BCAT1: variants seen among roughly 807,000 people sequenced by gnomAD.
BCAT1 encodes branched-chain-amino-acid aminotransferase, cytosolic.
Under a neutral mutation model 52.4 loss-of-function variants are expected in BCAT1, and 48 were observed. The observed-to-expected ratio is 0.92, with a 90% CI of 0.73 to 1.16. The LOEUF is 1.16. Among genes scored for constraint, BCAT1 ranks in the 50% most tolerant of loss-of-function variants. The pLI is 0.00. For missense variants in BCAT1, 451 were observed against 457.1 expected (o/e 0.99, Z 0.12); for synonymous variants, 167 against 161.3 (o/e 1.04, Z -0.27).
chr12:24,872,694 C>T (rs1942213198), intron 5 of BCAT1, among the ~76,000 whole-genome samples: 1 of 152,234 alleles, frequency 6.6e-6, no homozygotes, highest in Admixed American at 6.5e-5. Flanking sequence ...TGCAGGTAGC[C>T]TGCAAATCTG....
chr12:24,907,411 C>G (rs1943242062), intron 1 of BCAT1, among the ~76,000 whole-genome samples: 1 of 152,206 alleles, frequency 6.6e-6, no homozygotes, highest in Admixed American at 6.5e-5. Context: ...GGCCTCTGAG[C>G]CCAAGCTAAT....
chr12:24,881,424 G>A lies in BCAT1; in HGVS notation c.280-13C>T. On this transcript the variant is annotated splice_polypyrimidine_tract_variant and intron_variant, in intron 3 of 10. Coordinates refer to ENST00000261192, the MANE Select transcript of BCAT1 (RefSeq NM_005504.7). ...ATCCTTCAAATAACTGGAGATCAAA[G>A]AGAAAAAATCTTAGAGGGTAACCAA... 6.4e-7 allele frequency: 1 copy of A among 1,565,178 alleles called. No homozygotes were observed. The highest frequency in any genetic ancestry group is 8.8e-7 in the Non-Finnish European group (1 of 1,136,962).
chr12:24,877,536 A>G (rs549734304), intron 5 of BCAT1, among the ~76,000 whole-genome samples: 1 of 152,294 alleles, frequency 6.6e-6, no homozygotes, highest in African/African-American at 2.4e-5. Flanking sequence ...TGTTATTTAA[A>G]CCTACCATCC....
chr12:24,855,623 C>T (rs1941654494), intron 5 of BCAT1, among the ~76,000 whole-genome samples: 1 of 152,124 alleles, frequency 6.6e-6, no homozygotes, highest in Non-Finnish European at 1.5e-5. Context: ...TCAAGTGATC[C>T]ACCCTCCTCA....
At chr12:24,853,043 CTA>C (rs1941561462) in intron 5 of BCAT1, among the ~76,000 whole-genome samples, 1 of 152,094 alleles carries the variant, frequency 6.6e-6, no homozygotes, top group South Asian at 2.1e-4. Flanking sequence ...TTATTTTTTT[CTA>C]TGTTTCAATT....
chr12:24,925,249 A>C (rs1000385913), intron 1 of BCAT1, among the ~76,000 whole-genome samples: 1 of 152,164 alleles, frequency 6.6e-6, no homozygotes, highest in Non-Finnish European at 1.5e-5. Flanking sequence ...TGGCCTCAGG[A>C]CTGCAATTGC....
rs1819340524 is a variant in BCAT1, at chr12:24,810,324, A to AT, written c.*7683dup. On this transcript the variant is annotated 3_prime_UTR_variant, in exon 11 of 11. Transcript: ENST00000261192. ...AATAAATTATCACAATATAAGGCAC[A>AT]TATGTATATGGAATCAGATTCATGA... is the stretch of plus-strand genomic sequence containing the variant. 1 of 152,238 alleles carries AT rather than the reference A, an allele frequency of 6.6e-6. No homozygotes were observed. The highest frequency in any genetic ancestry group is 2.4e-5 in the African/African-American group (1 of 41,460). 9.4% of individuals were successfully genotyped at this position (152,238 alleles called of 1,614,324 possible).
chr12:24,832,075 G>A (rs1032338800), intron 9 of BCAT1, among the ~76,000 whole-genome samples: 3 of 152,248 alleles, frequency 2.0e-5, no homozygotes, highest in South Asian at 2.1e-4. Context: ...TTGACCACTC[G>A]AATGCATTTT....
chr12:24,926,720 G>A (rs1231124015), intron 1 of BCAT1, among the ~76,000 whole-genome samples: 2 of 152,086 alleles, frequency 1.3e-5, no homozygotes, highest in African/African-American at 4.8e-5. Context: ...GATTAAGGGC[G>A]GTGCAAGATG....
At chr12:24,920,524 C>T (rs928450380) in intron 1 of BCAT1, among the ~76,000 whole-genome samples, 1 of 151,956 alleles carries the variant, frequency 6.6e-6, no homozygotes, top group African/African-American at 2.4e-5. Context: ...GGCTGTTTCC[C>T]GAAAAACTCT....
chr12:24,837,714 A>AC (rs745512224), intron 7 of BCAT1, among the ~76,000 whole-genome samples: 45 of 152,244 alleles, frequency 3.0e-4, no homozygotes, highest in South Asian at 1.0e-3. Flanking sequence ...GATGTGAGCC[A>AC]CCGCACCCAG....
intron 9 of BCAT1, chr12:24,830,482 A>C (rs1353121576): frequency 2.0e-5 from 3 of 152,218 alleles, no homozygotes; most frequent in Non-Finnish European, 4.4e-5. Context: ...AAGAGATTTC[A>C]TGCTTCTAAT....
intron 4 of BCAT1, among the ~76,000 whole-genome samples, chr12:24,878,931 A>G: frequency 6.6e-6 from 1 of 152,176 alleles, no homozygotes; most frequent in South Asian, 2.1e-4. Flanking sequence ...AAGTAATAAT[A>G]AAACCAAACA....
At chr12:24,892,506 C>A (rs1942871402) in intron 3 of BCAT1, among the ~76,000 whole-genome samples, 1 of 152,180 alleles carries the variant, frequency 6.6e-6, no homozygotes, top group Admixed American at 6.5e-5. Flanking sequence ...TTCTGATGCA[C>A]ATTAAGTTTG....
At chr12:24,897,910 A>G (rs1227485630) in intron 2 of BCAT1, among the ~76,000 whole-genome samples, 1 of 152,074 alleles carries the variant, frequency 6.6e-6, no homozygotes, top group Non-Finnish European at 1.5e-5. Flanking sequence ...CTCATCATGA[A>G]CTTTTCTCTA....
chr12:24,908,926 A>G (rs746183027), intron 1 of BCAT1, among the ~76,000 whole-genome samples: 8 of 152,178 alleles, frequency 5.3e-5, no homozygotes, highest in Non-Finnish European at 1.2e-4. Flanking sequence ...ATTTAAACTC[A>G]GAGTAAGTAA....
Position 24,814,362 on chromosome 12 carries a change from T to C in BCAT1, c.*3646A>G, listed in dbSNP as rs1230463043. The C allele has an allele frequency of 6.6e-6, 1 of 151,980 alleles. No individual in the cohort carries two copies. Among genetic ancestry groups the C allele is most frequent in the East Asian group, 1.9e-4 (1 of 5,190 alleles). 9.4% of individuals were successfully genotyped at this position (151,980 alleles called of 1,614,324 possible). ...TCTTTGAAAGTGAACAAACAATGTT[T>C]TCTGCTGAAAATTCATCTTTCCCAA... On this transcript the variant is annotated 3_prime_UTR_variant, in exon 11 of 11. Transcript: ENST00000261192.
At chr12:24,878,708 A>G (rs1358302144) in intron 4 of BCAT1, 59 bp from the exon 5 acceptor site, 46 of 1,490,274 alleles carry the variant, frequency 3.1e-5, no homozygotes, top group Non-Finnish European at 4.2e-5. Context: ...GCAATAATAA[A>G]TGATCCTCAC....
chr12:24,886,484 C>A (rs575350264), intron 3 of BCAT1, among the ~76,000 whole-genome samples: 1 of 152,082 alleles, frequency 6.6e-6, no homozygotes, highest in South Asian at 2.1e-4. Context: ...AAACGGTGCT[C>A]GATGAAAAAA....
Sources: allele counts gnomAD v4.1 joint callset (sites outside exome capture counted in the v4.1 genomes callset), GRCh38; gene constraint gnomAD v4.1.1; transcripts MANE v1.5; gene names NCBI Gene and HGNC (gene_info 2026-07-23, HGNC 2026-07-21).